The following CACNG5 variants were observed in gnomAD, a reference collection of about 807,000 sequenced individuals.
CACNG5 encodes the protein voltage-dependent calcium channel gamma-5 subunit.
In CACNG5, 18 loss-of-function variants were observed where a neutral mutation model predicts 24.8. That is an observed-to-expected ratio of 0.73 (90% CI 0.50 to 1.08). The LOEUF is 1.08. CACNG5 is among the 50% of genes least tolerant of loss of function. CACNG5 has a pLI of 0.00. For synonymous variants in CACNG5, 157 were observed against 149.1 expected (o/e 1.05, Z -0.39); for missense variants, 349 against 367.9 (o/e 0.95, Z 0.42).
intron 1 of CACNG5, among the ~76,000 whole-genome samples, chr17:66,877,001 G>T (rs568987796): frequency 3.3e-5 from 5 of 150,596 alleles, no homozygotes; most frequent in African/African-American, 1.3e-4. Context: ...ATGAATGAAT[G>T]AATGAATGAA....
chr17:66,880,341 T>A (rs1977138894), intron 3 of CACNG5, among the ~76,000 whole-genome samples: 1 of 152,196 alleles, frequency 6.6e-6, no homozygotes, highest in Admixed American at 6.5e-5. Flanking sequence ...TGCTGGCACT[T>A]GAAGTCAGAC....
chr17:66,887,086 G>A lies in CACNG5; in HGVS notation c.*1846G>A, dbSNP rs2143138687. 6.6e-6 allele frequency among the ~76,000 whole-genome samples: 1 copy of A among 152,324 alleles called. No homozygotes were observed. The highest frequency in any genetic ancestry group is 1.9e-4 in the East Asian group (1 of 5,180). On this transcript the variant is annotated 3_prime_UTR_variant, in exon 6 of 6. Transcript: ENST00000533854. ...AAATACAGTCATGTTCTGAGGTACT[G>A]AGGGTCATTCTACAAATGAATTTAG...
chr17:66,881,160 C>G (rs529413178), intron 4 of CACNG5, among the ~76,000 whole-genome samples: 4 of 152,214 alleles, frequency 2.6e-5, no homozygotes, highest in Non-Finnish European at 4.4e-5. Context: ...ATCTGAGGAC[C>G]CTGGGCCCAT....
Position 66,877,211 on chromosome 17 carries a change from C to T in CACNG5, c.-103-19C>T. The T allele has an allele frequency of 1.3e-6, 1 of 769,384 alleles. No homozygotes were observed. 47.7% of individuals were successfully genotyped at this position (769,384 alleles called of 1,614,324 possible). A position where few individuals can be genotyped will look rare whatever the true frequency, so the allele number is the denominator to read the frequency against. On this transcript the variant is annotated intron_variant, in intron 1 of 5. Coordinates refer to ENST00000533854, the MANE Select transcript of CACNG5 (RefSeq NM_145811.3). ...GGGGTTTGACTTTAGTTACTGGCTC[C>T]TCATCTTCGTCTTCTCAGAGCCGTG...
intron 1 of CACNG5, among the ~76,000 whole-genome samples, chr17:66,851,972 G>A (rs1411732548): frequency 1.3e-5 from 2 of 152,224 alleles, no homozygotes; most frequent in Non-Finnish European, 2.9e-5. Flanking sequence ...GTGCCATGAG[G>A]GCGTTTTGGC....
chr17:66,851,048 G>A (rs72843340), intron 1 of CACNG5, among the ~76,000 whole-genome samples: 4 of 151,934 alleles, frequency 2.6e-5, no homozygotes, highest in Admixed American at 6.5e-5. Context: ...CCAGAAGTTC[G>A]CACTGAGACT....
rs868218983 is a variant in CACNG5, at chr17:66,886,209, G to A, written c.*969G>A. The stretch of plus-strand genomic sequence containing the variant: ...ACCACCTAAGTGGAAGGTTGCCTTC[G>A]AAGAGGCTGCCTGGGAGTGGGAGCT... On this transcript the variant is annotated 3_prime_UTR_variant, in exon 6 of 6. Coordinates refer to ENST00000533854, the MANE Select transcript of CACNG5 (RefSeq NM_145811.3). Among the ~76,000 whole-genome samples the A allele has an allele frequency of 5.9e-5, 9 of 152,192 alleles. No homozygotes were observed. Among genetic ancestry groups the A allele is most frequent in the Admixed American group, 2.0e-4 (3 of 15,280 alleles).
chr17:66,847,523 C>T (rs192726360), intron 1 of CACNG5, among the ~76,000 whole-genome samples: 22 of 151,014 alleles, frequency 1.5e-4, no homozygotes, highest in Admixed American at 9.3e-4. Context: ...CTTACTATCA[C>T]GAGAACGGCA....
chr17:66,842,153 G>T (rs1347749049), intron 1 of CACNG5, among the ~76,000 whole-genome samples: 1 of 152,162 alleles, frequency 6.6e-6, no homozygotes, highest in African/African-American at 2.4e-5. Flanking sequence ...TGCAGAGGAG[G>T]CCTGTGAAAT....
intron 1 of CACNG5, among the ~76,000 whole-genome samples, chr17:66,868,007 C>T (rs1598055961): frequency 6.6e-6 from 1 of 152,174 alleles, no homozygotes; most frequent in African/African-American, 2.4e-5. Flanking sequence ...ATTATCACTA[C>T]TTGGTTAGTA....
chr17:66,846,164 G>A (rs1976636020), intron 1 of CACNG5, among the ~76,000 whole-genome samples: 1 of 152,120 alleles, frequency 6.6e-6, no homozygotes, highest in South Asian at 2.1e-4. Context: ...TACACTTTGG[G>A]TATGCGTTTT....
intron 1 of CACNG5, among the ~76,000 whole-genome samples, chr17:66,869,633 G>A (rs1475577483): frequency 6.7e-6 from 1 of 149,376 alleles, no homozygotes; most frequent in Non-Finnish European, 1.5e-5. Flanking sequence ...TAAACTCCAG[G>A]GACTAAACTA....
rs373636387 is a variant in CACNG5, at chr17:66,891,406, G to A, written c.*6166G>A. On this transcript the variant is annotated 3_prime_UTR_variant, in exon 6 of 6. Coordinates refer to ENST00000533854, the MANE Select transcript of CACNG5 (RefSeq NM_145811.3). The stretch of plus-strand genomic sequence containing the variant: ...GGCTCAGCAAGGCAGTTCTCACTCA[G>A]GATCTCCCAGGCAGTTGGAGTCAGA... Among the ~76,000 whole-genome samples the A allele has an allele frequency of 6.6e-5, 10 of 152,314 alleles. No individual in the cohort carries two copies. Among genetic ancestry groups the A allele is most frequent in the African/African-American group, 2.4e-4 (10 of 41,564 alleles).
intron 5 of CACNG5, 160 bp downstream of exon 5, chr17:66,884,821 T>A (rs1276931082): frequency 6.2e-7 from 1 of 1,613,270 alleles, no homozygotes; most frequent in African/African-American, 1.3e-5. Context: ...GTCACTGTCT[T>A]ACCTTTCTGG....
Position 66,873,936 on chromosome 17 carries a change from GTTTT to G in CACNG5, c.-103-3281_-103-3278del, listed in dbSNP as rs4021785. On this transcript the variant is annotated intron_variant, in intron 1 of 5. Coordinates refer to ENST00000533854, the MANE Select transcript of CACNG5 (RefSeq NM_145811.3). ...CTAGGTGCAGTGCTTCTCACAAGCT[GTTTT>G]TTTTTTTTTTTTCCTTTTAACCAGA... 6.8e-4 allele frequency among the ~76,000 whole-genome samples: 99 copies of G among 144,558 alleles called. 1 individual carries two copies. The highest frequency in any genetic ancestry group is 3.4e-3 in the Admixed American group (49 of 14,498). The allele number at this position is 144,558 out of a possible 152,430, so 94.8% of individuals were successfully genotyped here.
rs895942796 is a variant in CACNG5 at position 66,888,746 on chromosome 17, A to G, written c.*3506A>G. On this transcript the variant is annotated 3_prime_UTR_variant, in exon 6 of 6. Coordinates refer to ENST00000533854, the MANE Select transcript of CACNG5 (RefSeq NM_145811.3). ...ATGTTTCTGTGTGTGGGAGAAGTTT[A>G]TGGCAGGGTTGGAAAGTCTCTGGTC... Among the ~76,000 whole-genome samples, 7 of 151,934 alleles carry G rather than the reference A, an allele frequency of 4.6e-5. No homozygotes were observed. The highest frequency in any genetic ancestry group is 4.6e-4 in the Admixed American group (7 of 15,256).
chr17:66,843,016 C>T (rs969155308), intron 1 of CACNG5, among the ~76,000 whole-genome samples: 1 of 152,356 alleles, frequency 6.6e-6, no homozygotes, highest in South Asian at 2.1e-4. Context: ...TGTGTTAGGA[C>T]ATTTCCGAAA....
chr17:66,873,012 A>G (rs1977030979), intron 1 of CACNG5, among the ~76,000 whole-genome samples: 1 of 152,130 alleles, frequency 6.6e-6, no homozygotes, highest in African/African-American at 2.4e-5. Context: ...CCAAGCATAG[A>G]CTTTGGAGTT....
chr17:66,854,782 A>G (rs1976750017), intron 1 of CACNG5, among the ~76,000 whole-genome samples: 1 of 152,132 alleles, frequency 6.6e-6, no homozygotes, highest in African/African-American at 2.4e-5. Context: ...AATATCCACA[A>G]CACCTCAAGA....
Sources: allele counts gnomAD v4.1 joint callset (sites outside exome capture counted in the v4.1 genomes callset), GRCh38; gene constraint gnomAD v4.1.1; transcripts MANE v1.5; gene names NCBI Gene and HGNC (gene_info 2026-07-23, HGNC 2026-07-21).